FRY: variants seen among roughly 807,000 people sequenced by gnomAD.
FRY encodes protein furry homolog.
A neutral mutation model predicts 348.4 loss-of-function variants in FRY; 128 were observed. That is an observed-to-expected ratio of 0.37 (90% CI 0.32 to 0.43). FRY has a LOEUF of 0.43. Ranked by LOEUF, FRY falls within the 20% of genes least tolerant of loss-of-function variation. The pLI is 1.00. For missense variants in FRY, 2,736 were observed against 3,695.2 expected, an observed-to-expected ratio of 0.74 and a Z score of 6.73; for synonymous variants, 1,370 against 1,374.7, an observed-to-expected ratio of 1.00 and a Z score of 0.08.
intron 1 of FRY, among the ~76,000 whole-genome samples, chr13:32,068,911 CTTTTTT>C (rs142807722): frequency 2.4e-5 from 2 of 82,854 alleles, no homozygotes; most frequent in Non-Finnish European, 2.3e-5. Context: ...ATGTTCAATT[CTTTTTT>C]TTTTTTTTTT....
intron 1 of FRY, among the ~76,000 whole-genome samples, chr13:32,040,276 C>T (rs1872699733): frequency 6.6e-6 from 1 of 152,154 alleles, no homozygotes; most frequent in Admixed American, 6.5e-5. Context: ...TGTATAAATA[C>T]AAGATTGGGT....
chr13:32,218,738 T>C lies in FRY; in HGVS notation c.4683-11T>C. 6.5e-7 allele frequency: 1 copy of C among 1,532,998 alleles called. No homozygotes were observed. Among genetic ancestry groups the C allele is most frequent in the Non-Finnish European group, 9.0e-7 (1 of 1,107,930 alleles). The allele number at this position is 1,532,998 out of a possible 1,614,324, so 95.0% of individuals were successfully genotyped here. Reference sequence around the variant, plus strand: ...GTTAATATTTCATTCTGGTTGTTCTTGTATTTGAAGGTTTAGTAATGTCAT... The same window carrying C: ...GTTAATATTTCATTCTGGTTGTTCTCGTATTTGAAGGTTTAGTAATGTCAT... On this transcript the variant is annotated splice_polypyrimidine_tract_variant and intron_variant, in intron 35 of 60. Transcript: ENST00000542859.
chr13:32,265,504 A>G lies in FRY; in HGVS notation c.7834A>G (p.Ser2612Gly). Reference protein sequence around the residue: ...DTTVHEDDLSSSINELPAAFE... With the variant: ...DTTVHEDDLSGSINELPAAFE... ...CACCGTGCATGAGGATGATCTTTCTAGTTCCATCAATGAACTCCCAGCAGC... is the reference window on the plus strand; with the variant it reads ...CACCGTGCATGAGGATGATCTTTCTGGTTCCATCAATGAACTCCCAGCAGC... Residue 2612 changes from serine to glycine, a missense_variant, in exon 54 of 61, where the codon AGT becomes GGT. Ser to Gly is a moderately conservative substitution (Grantham distance 56). Transcript: ENST00000542859. 6.2e-7 allele frequency: 1 copy of G among 1,614,186 alleles called. No homozygotes were observed. Among genetic ancestry groups the G allele is most frequent in the Non-Finnish European group, 8.5e-7 (1 of 1,180,002 alleles).
chr13:32,086,127 GA>G (rs1314213430), intron 2 of FRY: 6 of 398,182 alleles, frequency 1.5e-5, no homozygotes, highest in Non-Finnish European at 3.0e-5. Context: ...AGGGGTCTCA[GA>G]AAAAAATAAG....
intron 28 of FRY, among the ~76,000 whole-genome samples, chr13:32,192,133 T>C (rs1455924528): frequency 6.6e-6 from 1 of 152,170 alleles, no homozygotes; most frequent in African/African-American, 2.4e-5. Context: ...CTGGTGGTGA[T>C]CATAGGAGGG....
At chr13:32,097,032 T>C (rs1483823129) in intron 2 of FRY, among the ~76,000 whole-genome samples, 1 of 152,140 alleles carries the variant, frequency 6.6e-6, no homozygotes, top group African/African-American at 2.4e-5. Context: ...TGTGTAAGTG[T>C]AAAATACCAT....
chr13:32,049,925 T>C (rs944450776), intron 1 of FRY, among the ~76,000 whole-genome samples: 2 of 152,206 alleles, frequency 1.3e-5, no homozygotes, highest in African/African-American at 4.8e-5. Context: ...TGAACAGTGT[T>C]TTAAAATTAT....
At position 32,203,045 on chromosome 13, in the gene FRY, A is replaced by G. The variant is rs187597240; in HGVS notation, c.4018+518A>G. 3.8e-4 allele frequency among the ~76,000 whole-genome samples: 58 copies of G among 152,330 alleles called. No individual in the cohort carries two copies. The East Asian group carries it at 0.011, about 28-fold the overall frequency. On this transcript the variant is annotated intron_variant, in intron 31 of 60. Coordinates refer to ENST00000542859, the MANE Select transcript of FRY (RefSeq NM_023037.3). ...CCAGTTACATATGAAAGTAAATTCTATAATTGTTAAATGAAAAAAATTTCT... is the reference window on the plus strand; with the variant it reads ...CCAGTTACATATGAAAGTAAATTCTGTAATTGTTAAATGAAAAAAATTTCT...
intron 23 of FRY, among the ~76,000 whole-genome samples, chr13:32,181,783 T>C (rs1882729270): frequency 6.6e-6 from 1 of 152,086 alleles, no homozygotes; most frequent in Admixed American, 6.6e-5. Flanking sequence ...TTCTCAACTG[T>C]AAAATTGGCA....
chr13:32,070,875 A>C (rs1407491114), intron 1 of FRY, among the ~76,000 whole-genome samples: 3 of 152,046 alleles, frequency 2.0e-5, no homozygotes, highest in Non-Finnish European at 4.4e-5. Context: ...ATCCGTCTGG[A>C]ATTAATTTTT....
intron 1 of FRY, among the ~76,000 whole-genome samples, chr13:32,064,278 C>A (rs532928347): frequency 6.6e-6 from 1 of 151,852 alleles, no homozygotes; most frequent in African/African-American, 2.4e-5. Flanking sequence ...ATTCCTACAA[C>A]CCCTCTGCCC....
intron 1 of FRY, among the ~76,000 whole-genome samples, chr13:32,057,595 A>G (rs1378563582): frequency 8.5e-5 from 13 of 152,166 alleles, no homozygotes; most frequent in Non-Finnish European, 1.8e-4. Context: ...ACACTCAGGA[A>G]CTTCCTTCCT....
At chr13:32,076,719 A>G (rs1875084460) in intron 1 of FRY, among the ~76,000 whole-genome samples, 1 of 152,156 alleles carries the variant, frequency 6.6e-6, no homozygotes, top group African/African-American at 2.4e-5. Flanking sequence ...TTAGTTATTT[A>G]AGGAGATTTA....
At chr13:32,261,552 A>G (rs770064636) in intron 51 of FRY, 64 bp from the exon 52 acceptor site, 1 of 1,245,822 alleles carries the variant, frequency 8.0e-7, no homozygotes, top group South Asian at 1.2e-5. Context: ...GACTAATTGA[A>G]TGTGTGAACA....
At chr13:32,084,634 C>G (rs1489139056) in intron 2 of FRY, among the ~76,000 whole-genome samples, 1 of 152,190 alleles carries the variant, frequency 6.6e-6, no homozygotes, top group African/African-American at 2.4e-5. Flanking sequence ...GTCTTGCAAA[C>G]TATTCTGTCC....
Position 32,267,196 on chromosome 13 carries a change from C to G in FRY, c.7973C>G (p.Ser2658Cys). The G allele has an allele frequency of 3.1e-6, 5 of 1,613,706 alleles. No individual in the cohort carries two copies. The highest frequency in any genetic ancestry group is 4.2e-6 in the Non-Finnish European group (5 of 1,179,716). Reference protein sequence around the residue: ...ASFGEGDRGVSPPPSPFFSAI... With the variant: ...ASFGEGDRGVCPPPSPFFSAI... ...TTTGGAGAAGGTGACAGGGGAGTCT[C>G]TCCCCCTCCCTCGCCCTTCTTCTCA... Residue 2658 changes from serine (S) to cysteine (C), a missense_variant, in exon 55 of 61, where the codon TCT becomes TGT. This residue lies in a region of FRY where 789 missense variants were observed against 996.2 expected (regional missense o/e 0.79). Transcript: ENST00000542859.
At chr13:32,293,060 G>A (rs1593862098) in intron 59 of FRY, among the ~76,000 whole-genome samples, 1 of 152,078 alleles carries the variant, frequency 6.6e-6, no homozygotes, top group Non-Finnish European at 1.5e-5. Context: ...ACAATATTGT[G>A]TAAACATAAT....
rs1348930795 is a variant in FRY, at chr13:32,100,715, C to G, written c.271-1248C>G. Among the ~76,000 whole-genome samples, 5 of 152,276 alleles carry G rather than the reference C, an allele frequency of 3.3e-5. No individual in the cohort carries two copies. The Middle Eastern group carries it at 0.01, about 311-fold the overall frequency. On this transcript the variant is annotated intron_variant, in intron 2 of 60. Transcript: ENST00000542859. ...TAACAAATTACTATAAAATAAATGG[C>G]TTATCAACAATAGACATCTACTGCT...
Position 32,262,389 on chromosome 13 carries a change from G to A in FRY, c.7693G>A (p.Glu2565Lys). ...CACAGCCTGTGACTCGACCCCTGCA[G>A]AACCTCATTCCTTTAACACCAGAAT... ...LTTACDSTPA[E>K]PHSFNTRMSS... The change falls in exon 53 of 61, where the codon GAA (glutamate) becomes AAA (lysine). Residue 2565 changes from glutamate (E) to lysine (K), a missense_variant. Glu to Lys is a moderately conservative substitution (Grantham distance 56). Transcript: ENST00000542859. 6.2e-7 allele frequency: 1 copy of A among 1,613,522 alleles called. No homozygotes were observed. The highest frequency in any genetic ancestry group is 8.5e-7 in the Non-Finnish European group (1 of 1,179,446).
Sources: allele counts gnomAD v4.1 joint callset (sites outside exome capture counted in the v4.1 genomes callset), GRCh38; gene constraint gnomAD v4.1.1; regional missense constraint gnomAD v4.1.1; transcripts MANE v1.5; gene names NCBI Gene and HGNC (gene_info 2026-07-23, HGNC 2026-07-21).